The following CEP250 variants were observed in gnomAD, a reference collection of about 807,000 sequenced individuals.
The protein encoded by CEP250 is centrosomal protein 250, also known as centrosome-associated protein CEP250.
A neutral mutation model predicts 315.7 loss-of-function variants in CEP250; 242 were observed. The observed-to-expected ratio is 0.77, with a 90% CI of 0.69 to 0.85. The LOEUF is 0.85. Ranked by LOEUF, CEP250 falls within the 40% of genes least tolerant of loss-of-function variation. The pLI is 0.00. For missense variants in CEP250, 2,515 were observed against 2,886.4 expected, an observed-to-expected ratio of 0.87 and a Z score of 2.95; for synonymous variants, 1,088 against 1,175.0, an observed-to-expected ratio of 0.93 and a Z score of 1.51.
At chr20:35,476,634 GC>G (rs780662682) in intron 16 of CEP250, 39 bp downstream of exon 16, 2 of 1,593,410 alleles carry the variant, frequency 1.3e-6, no homozygotes, top group African/African-American at 2.7e-5. Context: ...GAAGGGCTGG[GC>G]CCTAACTGAG....
intron 24 of CEP250, among the ~76,000 whole-genome samples, chr20:35,495,612 A>G (rs1184956529): frequency 1.3e-5 from 2 of 152,136 alleles, no homozygotes; most frequent in Admixed American, 6.6e-5. Flanking sequence ...TTAGCTGGGC[A>G]TGGTGGTGGG....
intron 22 of CEP250, 137 bp downstream of exon 22, chr20:35,491,483 C>A: frequency 1.0e-6 from 1 of 986,214 alleles, no homozygotes; most frequent in Non-Finnish European, 1.5e-6. Context: ...AAAGGTATGG[C>A]ACAGGCTGGG....
intron 30 of CEP250, among the ~76,000 whole-genome samples, chr20:35,506,175 G>A (rs963239115): frequency 1.7e-4 from 26 of 152,208 alleles, no homozygotes; most frequent in African/African-American, 6.0e-4. Context: ...AGAAGCAGGT[G>A]TGAGAAAGAG....
intron 20 of CEP250, among the ~76,000 whole-genome samples, chr20:35,487,237 G>A (rs1489140064): frequency 6.6e-6 from 1 of 152,112 alleles, no homozygotes; most frequent in Admixed American, 6.5e-5. Context: ...GGAGGCCGAG[G>A]TGGGCGGATT....
intron 34 of CEP250, 33 bp downstream of exon 34, chr20:35,510,087 T>C (rs762632691): frequency 6.3e-7 from 1 of 1,596,854 alleles, no homozygotes; most frequent in Non-Finnish European, 8.6e-7. Context: ...CCATATTCCC[T>C]CCCTTGCACT....
intron 22 of CEP250, among the ~76,000 whole-genome samples, chr20:35,491,809 G>A (rs1388825541): frequency 1.3e-5 from 2 of 151,170 alleles, no homozygotes; most frequent in Non-Finnish European, 2.9e-5. Context: ...GGCTGAAGCA[G>A]GAGAATAGCT....
At chr20:35,457,193 C>T (rs2062649721) in intron 1 of CEP250, among the ~76,000 whole-genome samples, 1 of 152,078 alleles carries the variant, frequency 6.6e-6, no homozygotes, top group Non-Finnish European at 1.5e-5. Context: ...ATAATGGGCA[C>T]TTGTTATAAA....
In CEP250 at chr20:35,517,143, T is replaced by C. The variant is rs2064443678; in HGVS notation, c.*5517T>C. Reference sequence around the variant, plus strand: ...TCCAGCACCTTAGCTCCTGCCTCCCTCTGGACCTATTCAGTCCTCAAGGGT... The same window carrying C: ...TCCAGCACCTTAGCTCCTGCCTCCCCCTGGACCTATTCAGTCCTCAAGGGT... On this transcript the variant is annotated 3_prime_UTR_variant, in exon 35 of 35. Coordinates refer to ENST00000397527, the MANE Select transcript of CEP250 (RefSeq NM_007186.6). 2 of 438,286 alleles carry C rather than the reference T, an allele frequency of 4.6e-6. No individual in the cohort carries two copies. The highest frequency in any genetic ancestry group is 1.9e-4 in the South Asian group (2 of 10,484). The allele number at this position is 438,286 out of a possible 1,614,324, so 27.1% of individuals were successfully genotyped here.
chr20:35,486,512 G>C (rs570786125), intron 20 of CEP250, among the ~76,000 whole-genome samples: 1 of 151,876 alleles, frequency 6.6e-6, no homozygotes, highest in Non-Finnish European at 1.5e-5. Flanking sequence ...CAAACTGCTG[G>C]GATTATAGGT....
Position 35,467,076 on chromosome 20 carries a change from A to C in CEP250, c.599+4A>C. On this transcript the variant is annotated splice_donor_region_variant and intron_variant, in intron 8 of 34. Transcript: ENST00000397527. Reference sequence around the variant, plus strand: ...AAATGAAGTCAGCTACTGACAGGTCAGTGTGGGGAGAAGAAGGGAGGAGGT... The same window carrying C: ...AAATGAAGTCAGCTACTGACAGGTCCGTGTGGGGAGAAGAAGGGAGGAGGT... 1 of 1,562,624 alleles carries C rather than the reference A, an allele frequency of 6.4e-7. No individual in the cohort carries two copies. Among genetic ancestry groups the C allele is most frequent in the Non-Finnish European group, 8.7e-7 (1 of 1,150,660 alleles).
intron 9 of CEP250, 121 bp downstream of exon 9, chr20:35,467,676 C>A: frequency 8.5e-7 from 1 of 1,172,986 alleles, no homozygotes; most frequent in South Asian, 1.5e-5. Context: ...AGAAGATGTG[C>A]CCAAGGAAAT....
At chr20:35,468,756 G>T (rs1050321517) in intron 9 of CEP250, among the ~76,000 whole-genome samples, 2 of 152,162 alleles carry the variant, frequency 1.3e-5, no homozygotes, top group Middle Eastern at 3.2e-3. Context: ...GCTCACCGCA[G>T]CCTTAACCTC....
chr20:35,467,096 G>C, intron 8 of CEP250, 24 bp downstream of exon 8: 1 of 1,560,920 alleles, frequency 6.4e-7, no homozygotes, highest in Non-Finnish European at 8.8e-7. Context: ...GAAGAAGGGA[G>C]GAGGTTTGCC....
At chr20:35,466,322 A>G (rs988812269) in intron 7 of CEP250, 118 bp downstream of exon 7, 1 of 1,250,792 alleles carries the variant, frequency 8.0e-7, no homozygotes, top group South Asian at 1.5e-5. Context: ...TGTTGCTGTT[A>G]AAGTCCCTGA....
chr20:35,473,313 G>A, intron 12 of CEP250, 61 bp from the exon 13 acceptor site: 2 of 1,484,026 alleles, frequency 1.3e-6, no homozygotes, highest in Non-Finnish European at 1.8e-6. Context: ...CACTTTCGGG[G>A]TTCTGACATC....
chr20:35,482,557 T>A (rs779405605), intron 20 of CEP250, among the ~76,000 whole-genome samples: 5 of 150,714 alleles, frequency 3.3e-5, no homozygotes, highest in African/African-American at 9.8e-5. Context: ...TTTTATATTT[T>A]TTTTTATTTT....
At chr20:35,509,086 C>A (rs776121443) in intron 33 of CEP250, 42 bp downstream of exon 33, 65 of 1,497,908 alleles carry the variant, frequency 4.3e-5, no homozygotes, top group Non-Finnish European at 5.4e-5. Flanking sequence ...AGAGCCCAAC[C>A]CCAGCCACCA....
chr20:35,496,796 TCTCATGGAGAGGA>T (rs1458363229), intron 25 of CEP250, 81 bp downstream of exon 25: 1 of 1,465,796 alleles, frequency 6.8e-7, no homozygotes, highest in Non-Finnish European at 9.2e-7. Context: ...CTCTGAGTCC[TCTCATGGAGAGGA>T]CCCATCTATT....
At chr20:35,509,912 A>C in intron 33 of CEP250, 86 bp from the exon 34 acceptor site, 1 of 1,237,976 alleles carries the variant, frequency 8.1e-7, no homozygotes, top group East Asian at 2.3e-5. Flanking sequence ...GGCCCCTAAG[A>C]TTGTGATGAG....
Sources: allele counts gnomAD v4.1 joint callset (sites outside exome capture counted in the v4.1 genomes callset), GRCh38; gene constraint gnomAD v4.1.1; transcripts MANE v1.5; gene names NCBI Gene and HGNC (gene_info 2026-07-23, HGNC 2026-07-21).